TENM1: variants seen among roughly 807,000 people sequenced by gnomAD.
The protein encoded by TENM1 is teneurin transmembrane protein 1.
TENM1 carries 35 observed loss-of-function variants against 174.8 expected under a neutral mutation model. The observed-to-expected ratio is 0.20, with a 90% CI of 0.15 to 0.27. The LOEUF is 0.27. TENM1 is among the 10% of genes least tolerant of loss of function. The pLI is 1.00. For missense variants in TENM1, 1,633 were observed against 2,130.1 expected, an observed-to-expected ratio of 0.77 and a Z score of 4.59; for synonymous variants, 781 against 798.7, an observed-to-expected ratio of 0.98 and a Z score of 0.37.
intron 24 of TENM1, 45 bp from the exon 28 acceptor site, chrX:124,420,866 T>G (rs1342184765): frequency 8.9e-7 from 1 of 1,121,444 alleles, no homozygotes; most frequent in Non-Finnish European, 1.2e-6. Flanking sequence ...TCATAAGCAT[T>G]TACATGAACA....
chrX:124,943,188 T>C lies in TENM1; in HGVS notation c.217+20349A>G, dbSNP rs2058355693. On this transcript the variant is annotated intron_variant, in intron 1 of 31. Transcript: ENST00000422452. ...CATTCAGTGAGTGAAAGAAGCAAAA[T>C]TGAAAGCATGAGTTTTGACCCAGTG... 2.7e-5 allele frequency among the ~76,000 whole-genome samples: 3 copies of C among 111,096 alleles called. No homozygotes were observed. The Middle Eastern group carries it at 0.014, about 522-fold the overall frequency.
intron 8 of TENM1, among the ~76,000 whole-genome samples, chrX:124,650,121 G>A (rs1227872654): frequency 1.0e-5 from 1 of 96,747 alleles, no homozygotes; most frequent in Non-Finnish European, 2.0e-5. Flanking sequence ...AAAATCACTT[G>A]AACCCAGGAG....
chrX:124,974,518 G>T, the TENM1 span, among the ~76,000 whole-genome samples: 9,198 of 110,887 alleles, frequency 0.083, 459 homozygotes, highest in Admixed American at 0.24. Flanking sequence ...GGCTCTTTAG[G>T]ACACTTTAAA....
At chrX:124,613,854 G>A (rs2050333796) in intron 11 of TENM1, among the ~76,000 whole-genome samples, 1 of 110,900 alleles carries the variant, frequency 9.0e-6, no homozygotes, top group Non-Finnish European at 1.9e-5. Flanking sequence ...TCCTCTTTTG[G>A]GGTGAAAAGT....
At chrX:124,583,768 A>C (rs1569323087) in intron 11 of TENM1, among the ~76,000 whole-genome samples, 1 of 110,911 alleles carries the variant, frequency 9.0e-6, no homozygotes, top group East Asian at 2.8e-4. Flanking sequence ...AACCAAAGGC[A>C]AAGAAGTTGA....
the TENM1 span, among the ~76,000 whole-genome samples, chrX:125,045,393 T>C: frequency 1.8e-5 from 2 of 111,673 alleles, no homozygotes; most frequent in Admixed American, 9.5e-5. Context: ...CTTAAACTAA[T>C]GATATATTCT....
chrX:124,917,144 C>T (rs2147662243), intron 1 of TENM1, among the ~76,000 whole-genome samples: 1 of 111,340 alleles, frequency 9.0e-6, no homozygotes, highest in Non-Finnish European at 1.9e-5. Context: ...GTAAGGTTGA[C>T]AGCCCGGAGC....
chrX:124,573,057 T>C (rs1323865208), intron 11 of TENM1, among the ~76,000 whole-genome samples: 9 of 111,505 alleles, frequency 8.1e-5, no homozygotes, highest in Admixed American at 4.8e-4. Flanking sequence ...TTTTGAAGCA[T>C]ACCTATTAAT....
the TENM1 span, among the ~76,000 whole-genome samples, chrX:124,983,410 T>C: frequency 9.0e-6 from 1 of 111,147 alleles, no homozygotes; most frequent in African/African-American, 3.3e-5. Context: ...ATTCCATATA[T>C]CTTGGAAGTA....
At chrX:124,459,484 G>A (rs780917781) in intron 22 of TENM1, among the ~76,000 whole-genome samples, 5 of 110,839 alleles carry the variant, frequency 4.5e-5, no homozygotes, top group South Asian at 3.9e-4. Flanking sequence ...AGTTTAAAGC[G>A]ATGGGGAAAG....
At chrX:124,465,425 T>C (rs776502619) in intron 22 of TENM1, among the ~76,000 whole-genome samples, 1 of 110,476 alleles carries the variant, frequency 9.1e-6, no homozygotes, top group East Asian at 2.9e-4. Flanking sequence ...ATTAAAACAA[T>C]TTTTTTGTAG....
chrX:124,478,593 A>G (rs975295063), intron 22 of TENM1, among the ~76,000 whole-genome samples: 5 of 112,309 alleles, frequency 4.5e-5, no homozygotes, highest in African/African-American at 1.6e-4. Context: ...ACCTTCCTAT[A>G]ATTGCAATAT....
chrX:125,027,971 C>T, the TENM1 span, among the ~76,000 whole-genome samples: 2 of 111,366 alleles, frequency 1.8e-5, no homozygotes, highest in East Asian at 5.7e-4. Context: ...CACTAAATGT[C>T]GATACGGATA....
chrX:124,515,183 T>C (rs766127086), intron 18 of TENM1, among the ~76,000 whole-genome samples: 1 of 111,470 alleles, frequency 9.0e-6, no homozygotes, highest in South Asian at 3.8e-4. Context: ...AAACTAGGTA[T>C]TGAAGGAACA....
At chrX:125,078,409 A>C in the TENM1 span, among the ~76,000 whole-genome samples, 1 of 111,936 alleles carries the variant, frequency 8.9e-6, no homozygotes, top group Admixed American at 9.5e-5. Flanking sequence ...TTGTTGCTAA[A>C]CCTTTATGAC....
the TENM1 span, among the ~76,000 whole-genome samples, chrX:125,048,218 C>T: frequency 3.7e-5 from 4 of 107,006 alleles, no homozygotes; most frequent in East Asian, 5.8e-4. Flanking sequence ...TTTAGGAGTC[C>T]GTTTAAATGA....
At chrX:125,118,270 C>T in the TENM1 span, among the ~76,000 whole-genome samples, 1 of 110,809 alleles carries the variant, frequency 9.0e-6, no homozygotes, top group Non-Finnish European at 1.9e-5. Flanking sequence ...CTGTTGGGTA[C>T]AATGTTCACT....
chrX:124,560,823 A>C (rs1385370461), intron 14 of TENM1, among the ~76,000 whole-genome samples: 1 of 111,824 alleles, frequency 8.9e-6, no homozygotes. Flanking sequence ...AATTCAAACA[A>C]AATTTTTTGT....
chrX:124,483,708 C>T (rs1335105341), intron 21 of TENM1, among the ~76,000 whole-genome samples: 2 of 111,897 alleles, frequency 1.8e-5, no homozygotes, highest in East Asian at 2.8e-4. Flanking sequence ...AAGAACTGTG[C>T]TATGTTCTAG....
Sources: gnomAD v4.1 joint callset for allele counts (sites outside exome capture counted in the v4.1 genomes callset) on GRCh38, gnomAD v4.1.1 for gene constraint, MANE v1.5 for transcripts, NCBI Gene and HGNC (gene_info 2026-07-23, HGNC 2026-07-21) for gene names.